The following MGAT5 variants were observed in gnomAD, a reference collection of about 807,000 sequenced individuals.
MGAT5 encodes the protein alpha-1,6-mannosylglycoprotein 6-beta-N-acetylglucosaminyltransferase.
MGAT5 carries 30 observed loss-of-function variants against 94.3 expected under a neutral mutation model. The observed-to-expected ratio is 0.32, with a 90% CI of 0.24 to 0.43. The LOEUF (loss-of-function observed/expected upper bound fraction) is 0.43, where lower values mean the gene tolerates loss of function less well. Ranked by LOEUF, MGAT5 falls within the 20% of genes least tolerant of loss-of-function variation. The pLI is 1.00. For synonymous variants in MGAT5, 310 were observed against 322.9 expected (o/e 0.96, Z 0.43); for missense variants, 691 against 905.5 (o/e 0.76, Z 3.04).
intron 2 of MGAT5, among the ~76,000 whole-genome samples, chr2:134,311,403 C>T (rs1391751598): frequency 6.6e-6 from 1 of 152,166 alleles, no homozygotes; most frequent in African/African-American, 2.4e-5. Flanking sequence ...TCTCAAACAA[C>T]ACCTGTCATC....
At chr2:134,181,082 C>T (rs1688712046) in intron 1 of MGAT5, among the ~76,000 whole-genome samples, 1 of 152,190 alleles carries the variant, frequency 6.6e-6, no homozygotes, top group Non-Finnish European at 1.5e-5. Context: ...AAGCCTTCCA[C>T]CCCAGAAGTA....
At chr2:134,260,027 G>T (rs1260096887) in intron 1 of MGAT5, among the ~76,000 whole-genome samples, 1 of 152,084 alleles carries the variant, frequency 6.6e-6, no homozygotes, top group African/African-American at 2.4e-5. Flanking sequence ...AAAGAGAGAG[G>T]TGGAGGCAGA....
Position 134,270,377 on chromosome 2 carries a change from C to T in MGAT5, c.242-9C>T. ...AGAATTTTAAAATTGTCTGCACTTTCTTTTACAGATCTGAAGAAAACCCTT... is the reference window on the plus strand; with the variant it reads ...AGAATTTTAAAATTGTCTGCACTTTTTTTTACAGATCTGAAGAAAACCCTT... On this transcript the variant is annotated splice_polypyrimidine_tract_variant and intron_variant, in intron 1 of 15. Transcript: ENST00000281923. The T allele has an allele frequency of 1.9e-6, 3 of 1,613,052 alleles. No individual in the cohort carries two copies. The Admixed American group carries it at 5.0e-5, about 27-fold the overall frequency.
chr2:134,303,130 C>T (rs1686128231), intron 2 of MGAT5, among the ~76,000 whole-genome samples: 1 of 152,108 alleles, frequency 6.6e-6, no homozygotes, highest in Non-Finnish European at 1.5e-5. Context: ...TCTTGAATGT[C>T]TCTGTTTTTA....
At chr2:134,387,886 G>C (rs904442684) in intron 10 of MGAT5, among the ~76,000 whole-genome samples, 6 of 152,188 alleles carry the variant, frequency 3.9e-5, no homozygotes, top group Admixed American at 3.9e-4. Context: ...ACTAAGAATG[G>C]AGACCTCCAA....
At chr2:134,416,765 ATTTTTTT>A (rs10548586) in intron 12 of MGAT5, among the ~76,000 whole-genome samples, 3 of 130,666 alleles carry the variant, frequency 2.3e-5, no homozygotes, top group African/African-American at 8.4e-5. Context: ...CAGCTAATTA[ATTTTTTT>A]TTTTTTTTTT....
At chr2:134,344,430 G>A (rs912994396) in intron 7 of MGAT5, among the ~76,000 whole-genome samples, 2 of 151,960 alleles carry the variant, frequency 1.3e-5, no homozygotes, top group Non-Finnish European at 2.9e-5. Context: ...AAAAAGGGGA[G>A]GGGAAGGTTA....
At chr2:134,153,065 G>T (rs547741864) in intron 1 of MGAT5, among the ~76,000 whole-genome samples, 1 of 152,110 alleles carries the variant, frequency 6.6e-6, no homozygotes, top group South Asian at 2.1e-4. Flanking sequence ...CACCACGCCC[G>T]GCTAATTTTT....
intron 4 of MGAT5, among the ~76,000 whole-genome samples, chr2:134,325,645 C>T (rs568444288): frequency 6.6e-6 from 1 of 152,186 alleles, no homozygotes; most frequent in East Asian, 1.9e-4. Flanking sequence ...AACATAATTC[C>T]TTCACATCAG....
intron 12 of MGAT5, among the ~76,000 whole-genome samples, chr2:134,415,534 A>G (rs988313052): frequency 2.6e-5 from 4 of 152,160 alleles, no homozygotes; most frequent in African/African-American, 9.7e-5. Flanking sequence ...CTTATTAAAT[A>G]TGTGGTTTGC....
At chr2:134,172,501 A>C (rs181960968) in intron 1 of MGAT5, among the ~76,000 whole-genome samples, 4,306 of 151,988 alleles carry the variant, frequency 0.028, 69 homozygotes, top group African/African-American at 0.047. Context: ...ATTCTCCTGC[A>C]TCAGCCTCCC....
intron 1 of MGAT5, among the ~76,000 whole-genome samples, chr2:134,172,666 G>A (rs1043144393): frequency 6.6e-6 from 1 of 152,270 alleles, no homozygotes; most frequent in East Asian, 1.9e-4. Flanking sequence ...GATTACAGGT[G>A]TGAGCCACCA....
chr2:134,131,027 T>C (rs1291567707), intron 1 of MGAT5, among the ~76,000 whole-genome samples: 1 of 152,208 alleles, frequency 6.6e-6, no homozygotes, highest in Non-Finnish European at 1.5e-5. Flanking sequence ...TCCCCTTCCA[T>C]AGTGTGGAAG....
chr2:134,383,162 C>T (rs969491812), intron 10 of MGAT5, among the ~76,000 whole-genome samples: 3 of 152,142 alleles, frequency 2.0e-5, no homozygotes, highest in East Asian at 1.9e-4. Flanking sequence ...TCAGAGACAG[C>T]GTTATAGTTT....
At chr2:134,388,741 G>A (rs1281423121) in intron 10 of MGAT5, among the ~76,000 whole-genome samples, 1 of 120,030 alleles carries the variant, frequency 8.3e-6, no homozygotes, top group Admixed American at 1.2e-4. Context: ...ACAGCAGCCT[G>A]ATCAAATTCA....
chr2:134,444,158 C>G lies in MGAT5; in HGVS notation c.2027+2243C>G, dbSNP rs16830617. Among the ~76,000 whole-genome samples, 447 of 152,324 alleles carry G rather than the reference C, an allele frequency of 2.9e-3. 5 individuals carry two copies. The East Asian group carries it at 0.038, about 13-fold the overall frequency. ...TAGGTAAGATAATGAACAGCCCTTG[C>G]CAAAGACAGAGTAGAACACCCCTTT... On this transcript the variant is annotated intron_variant, in intron 15 of 15. Transcript: ENST00000281923.
At chr2:134,153,460 T>G (rs186573746) in intron 1 of MGAT5, among the ~76,000 whole-genome samples, 158 of 152,288 alleles carry the variant, frequency 1.0e-3, no homozygotes, top group African/African-American at 3.5e-3. Context: ...GCAGGACAAA[T>G]GCACAAGAAC....
Position 134,185,249 on chromosome 2 carries a change from C to G in MGAT5, c.-143+64958C>G, listed in dbSNP as rs116624105. Among the ~76,000 whole-genome samples the G allele has an allele frequency of 7.0e-3, 1,060 of 152,234 alleles. 16 individuals are homozygous for G. Among genetic ancestry groups the G allele is most frequent in the African/African-American group, 0.024 (1,016 of 41,542 alleles). On this transcript the variant is annotated intron_variant, in intron 1 of 16. Transcript: ENST00000409645. ...AAGAGCAGAGCCTCATCCTGCAGCC[C>G]TGTGGTCATCGAGGGAATTCCAGAA...
intron 1 of MGAT5, among the ~76,000 whole-genome samples, chr2:134,190,622 A>C (rs996189004): frequency 6.6e-6 from 1 of 152,082 alleles, no homozygotes; most frequent in African/African-American, 2.4e-5. Flanking sequence ...AGCTCAAAGG[A>C]GGCCCTTTGT....
Sources: allele counts gnomAD v4.1 joint callset (sites outside exome capture counted in the v4.1 genomes callset), GRCh38; gene constraint gnomAD v4.1.1; transcripts MANE v1.5; gene names NCBI Gene and HGNC (gene_info 2026-07-23, HGNC 2026-07-21).